The following AGL variants were observed in gnomAD, a reference collection of about 807,000 sequenced individuals.
AGL encodes the protein glycogen debranching enzyme.
AGL carries 128 observed loss-of-function variants against 199.3 expected under a neutral mutation model. The observed-to-expected ratio is 0.64, with a 90% CI of 0.56 to 0.74. AGL has a LOEUF of 0.74. AGL is among the 30% of genes least tolerant of loss of function. AGL has a pLI of 0.00. For missense variants in AGL, 1,809 were observed against 1,820.8 expected (o/e 0.99, Z 0.12); for synonymous variants, 584 against 594.7 (o/e 0.98, Z 0.26).
At chr1:99,921,279 A>G (rs931369169) in intron 33 of AGL, among the ~76,000 whole-genome samples, 1 of 152,152 alleles carries the variant, frequency 6.6e-6, no homozygotes, top group African/African-American at 2.4e-5. Flanking sequence ...TGTAGCTTGT[A>G]ATGGTAGTTT....
Position 99,876,493 on chromosome 1 carries a change from C to A in AGL, c.1319C>A (p.Ser440Tyr), listed in dbSNP as rs149771710. The A allele has an allele frequency of 7.5e-6, 12 of 1,609,628 alleles. No individual in the cohort carries two copies. In the African/African-American group the frequency reaches 1.6e-4, roughly 22 times the overall value. ...FTFPFEEIDF[S>Y]MEESMIHLPN... Reference sequence around the variant, plus strand: ...TTCCCATTTGAAGAGATAGACTTCTCCATGGAAGAATCTATGATTCATCTG... The same window carrying A: ...TTCCCATTTGAAGAGATAGACTTCTACATGGAAGAATCTATGATTCATCTG... Residue 440 changes from serine (S) to tyrosine (Y), a missense_variant, in exon 11 of 34, where the codon TCC becomes TAC. Transcript: ENST00000361915.
chr1:99,896,485 T>A (rs1464097314), intron 25 of AGL, 97 bp downstream of exon 25: 1 of 935,694 alleles, frequency 1.1e-6, no homozygotes, highest in African/African-American at 1.6e-5. Context: ...TTCTTAACAT[T>A]TGGGAGCTGT....
intron 28 of AGL, among the ~76,000 whole-genome samples, 182 bp downstream of exon 28, chr1:99,911,029 A>G (rs1409230808): frequency 6.6e-6 from 1 of 152,218 alleles, no homozygotes; most frequent in Non-Finnish European, 1.5e-5. Flanking sequence ...GTTATCAAGT[A>G]ACACTATCTG....
At position 99,864,440 on chromosome 1, in the gene AGL, G is replaced by GCTA. The variant is rs1557749402; in HGVS notation, c.518_520dup (p.Tyr173dup). On this transcript the variant is annotated inframe_insertion, in exon 5 of 34. Coordinates refer to ENST00000361915, the MANE Select transcript of AGL (RefSeq NM_000642.3). ...CAGACTCTTGGACTATCTAGGTCATGCTACTCCCTTGCCAATCAGTTAGAA... is the reference window on the plus strand; with the variant it reads ...CAGACTCTTGGACTATCTAGGTCATGCTACTACTCCCTTGCCAATCAGTTAGAA... 6.2e-6 allele frequency: 10 copies of GCTA among 1,613,900 alleles called. No individual in the cohort carries two copies. Among genetic ancestry groups the GCTA allele is most frequent in the Non-Finnish European group, 8.5e-6 (10 of 1,179,908 alleles).
At position 99,899,852 on chromosome 1, in the gene AGL, C is replaced by CTAT. The variant is rs1163397082; in HGVS notation, c.3363-784_3363-783insTAT. Among the ~76,000 whole-genome samples, 14 of 151,848 alleles carry CTAT rather than the reference C, an allele frequency of 9.2e-5. No individual in the cohort carries two copies. The East Asian group carries it at 2.5e-3, about 27-fold the overall frequency. On this transcript the variant is annotated intron_variant, in intron 25 of 33. Coordinates refer to ENST00000361915, the MANE Select transcript of AGL (RefSeq NM_000642.3). ...AGTCAGGATGGTCTCGATCTCCTGA[C>CTAT]CTCGTGATCTACCCGCCTCAGCCTC...
intron 25 of AGL, among the ~76,000 whole-genome samples, chr1:99,900,321 C>G (rs1463368229): frequency 6.6e-6 from 1 of 152,170 alleles, no homozygotes; most frequent in East Asian, 1.9e-4. Flanking sequence ...TTTTGAAATA[C>G]CATAGACTTC....
At chr1:99,851,159 G>A (rs1648921901) in intron 2 of AGL, 35 bp downstream of exon 2, 5 of 1,560,126 alleles carry the variant, frequency 3.2e-6, no homozygotes, top group East Asian at 2.2e-5. Context: ...GCTCATTTGC[G>A]TCTTTTAAAC....
At chr1:99,919,804 C>T (rs1265994582) in intron 33 of AGL, among the ~76,000 whole-genome samples, 1 of 152,180 alleles carries the variant, frequency 6.6e-6, no homozygotes, top group African/African-American at 2.4e-5. Flanking sequence ...GGCCTGCTAC[C>T]CCACAGTAAG....
chr1:99,917,212 C>G (rs907888647), intron 33 of AGL, among the ~76,000 whole-genome samples: 1 of 152,164 alleles, frequency 6.6e-6, no homozygotes, highest in Non-Finnish European at 1.5e-5. Flanking sequence ...GTCAGAGTTA[C>G]GTATCTTTAT....
chr1:99,892,322 A>G (rs181810354), intron 23 of AGL, 110 bp from the exon 24 acceptor site: 25 of 975,238 alleles, frequency 2.6e-5, no homozygotes, highest in South Asian at 1.2e-4. Context: ...TAATATTACT[A>G]TTGTTATAGA....
intron 8 of AGL, 61 bp downstream of exon 8, chr1:99,874,871 A>G (rs1651373836): frequency 1.8e-5 from 28 of 1,555,642 alleles, no homozygotes; most frequent in Middle Eastern, 3.4e-4. Flanking sequence ...TATGGCTAGT[A>G]TGATTTTCAT....
chr1:99,886,999 T>A (rs186968986), intron 20 of AGL, among the ~76,000 whole-genome samples: 19 of 152,312 alleles, frequency 1.2e-4, no homozygotes, highest in South Asian at 4.1e-4. Flanking sequence ...GTCCACTGGC[T>A]ATTGAAAAAT....
chr1:99,889,993 C>A lies in AGL; in HGVS notation c.2813-1227C>A. 1.3e-5 allele frequency among the ~76,000 whole-genome samples: 2 copies of A among 152,170 alleles called. 1 individual carries two copies. On this transcript the variant is annotated intron_variant, in intron 21 of 33. Coordinates refer to ENST00000361915, the MANE Select transcript of AGL (RefSeq NM_000642.3). ...TCCCTTAAACAAAATGTATTTCCCT[C>A]CTTATAATACGGTATATCTAGTCAT... is the stretch of plus-strand genomic sequence containing the variant.
chr1:99,877,009 C>A (rs1375194235), intron 11 of AGL, among the ~76,000 whole-genome samples: 1 of 152,140 alleles, frequency 6.6e-6, no homozygotes, highest in African/African-American at 2.4e-5. Flanking sequence ...TAAACCAGAA[C>A]CTAATGGTTT....
In AGL at chr1:99,850,985, T is replaced by C; in HGVS notation, c.-58T>C. On this transcript the variant is annotated 5_prime_UTR_variant, in exon 2 of 34. Transcript: ENST00000361915. The stretch of plus-strand genomic sequence containing the variant: ...CTTTTTGTTTCATAGGGGTAACTCA[T>C]TCGACTGTGGAGTTCTTTTAATTCT... 7.1e-7 allele frequency: 1 copy of C among 1,402,634 alleles called. No individual in the cohort carries two copies. Among genetic ancestry groups the C allele is most frequent in the Non-Finnish European group, 1.0e-6 (1 of 988,112 alleles). 86.9% of individuals were successfully genotyped at this position (1,402,634 alleles called of 1,614,324 possible). A position where few individuals can be genotyped will look rare whatever the true frequency, so the allele number is the denominator to read the frequency against.
At chr1:99,857,436 G>C (rs1039930670) in intron 2 of AGL, among the ~76,000 whole-genome samples, 1 of 152,066 alleles carries the variant, frequency 6.6e-6, no homozygotes, top group Non-Finnish European at 1.5e-5. Flanking sequence ...CTGCAGTCTC[G>C]GCACTTTGGG....
rs1160632915 is a variant in AGL, at chr1:99,900,695, G to A, written c.3422G>A (p.Gly1141Asp). ...LRHGLIPNLL[G>D]EGIYARYNCR... The stretch of plus-strand genomic sequence containing the variant: ...CATGGTCTCATTCCTAATCTACTGG[G>A]TGAAGGAATTTATGCCAGATACAAT... Residue 1141 changes from glycine (G) to aspartate (D), a missense_variant, in exon 26 of 34, where the codon GGT becomes GAT. Physicochemically the swap from Gly to Asp is moderately conservative, Grantham distance 94 (BLOSUM62 -1). Coordinates refer to ENST00000361915, the MANE Select transcript of AGL (RefSeq NM_000642.3). The A allele has an allele frequency of 6.2e-7, 1 of 1,614,070 alleles. No individual in the cohort carries two copies. The highest frequency in any genetic ancestry group is 1.1e-5 in the South Asian group (1 of 91,074).
chr1:99,856,488 G>C (rs529227074), intron 2 of AGL, among the ~76,000 whole-genome samples: 1 of 147,492 alleles, frequency 6.8e-6, no homozygotes. Context: ...GGTGTTTCTC[G>C]CAGAGGGGGA....
chr1:99,902,842 T>G (rs769730279), intron 27 of AGL, 48 bp downstream of exon 27: 1 of 1,400,160 alleles, frequency 7.1e-7, no homozygotes, highest in Non-Finnish European at 1.0e-6. Context: ...GGTGATGAAA[T>G]TAAACCTTGC....
Sources: gnomAD v4.1 joint callset for allele counts (sites outside exome capture counted in the v4.1 genomes callset) on GRCh38, gnomAD v4.1.1 for gene constraint, MANE v1.5 for transcripts, NCBI Gene and HGNC (gene_info 2026-07-23, HGNC 2026-07-21) for gene names.